Variants in RAB7A observed in about 807,000 individuals in gnomAD.
RAB7A encodes the protein RAB7A, member RAS oncogene family, also known as ras-related protein Rab-7a.
In RAB7A, 2 loss-of-function variants were observed where a neutral mutation model predicts 24.5. That is an observed-to-expected ratio of 0.08 (90% confidence interval 0.03 to 0.26). RAB7A has a LOEUF of 0.26. Ranked by LOEUF, RAB7A falls within the 10% of genes least tolerant of loss-of-function variation. The probability of loss-of-function intolerance (pLI) is 1.00; values close to 1 mark genes in which losing one functional copy is unlikely to be tolerated. For synonymous variants in RAB7A, 100 were observed against 95.9 expected, an observed-to-expected ratio of 1.04 and a Z score of -0.25; for missense variants, 118 against 255.7, an observed-to-expected ratio of 0.46 and a Z score of 3.67.
Position 128,743,586 on chromosome 3 carries a change from G to A in RAB7A, c.-9+17227G>A, listed in dbSNP as rs991739799. On this transcript the variant is annotated intron_variant, in intron 1 of 5. Transcript: ENST00000265062. ...GCCAAAGACATTAGAGCAACTGTCA[G>A]CAATATGCTCAGTGGACTAAAGGAA... 6.6e-5 allele frequency among the ~76,000 whole-genome samples: 10 copies of A among 152,268 alleles called. No individual in the cohort carries two copies. The South Asian group carries it at 1.9e-3, about 28-fold the overall frequency.
chr3:128,729,923 AC>A (rs1490526116), intron 1 of RAB7A, among the ~76,000 whole-genome samples: 1 of 152,164 alleles, frequency 6.6e-6, no homozygotes, highest in African/African-American at 2.4e-5. Flanking sequence ...TCTGAAGGCG[AC>A]TGAAACTCGA....
chr3:128,770,925 C>T (rs922339909), intron 1 of RAB7A, among the ~76,000 whole-genome samples: 1 of 151,532 alleles, frequency 6.6e-6, no homozygotes, highest in African/African-American at 2.4e-5. Context: ...CCTGAAAGCT[C>T]TGCCACTATT....
intron 1 of RAB7A, among the ~76,000 whole-genome samples, chr3:128,761,385 G>A (rs1007350984): frequency 1.3e-5 from 2 of 152,092 alleles, no homozygotes; most frequent in African/African-American, 4.8e-5. Context: ...CATCCCACTC[G>A]GAGGAAGAAG....
chr3:128,747,243 G>A (rs967793596), intron 1 of RAB7A, among the ~76,000 whole-genome samples: 1 of 151,402 alleles, frequency 6.6e-6, no homozygotes, highest in Non-Finnish European at 1.5e-5. Context: ...AGTGAGCTAT[G>A]ATCCTGCCAC....
At chr3:128,748,589 A>G (rs535472281) in intron 1 of RAB7A, 3 of 152,330 alleles carry the variant, frequency 2.0e-5, no homozygotes, top group African/African-American at 7.2e-5. Flanking sequence ...TTGTTTTCCC[A>G]ACAAGGACTC....
At chr3:128,810,675 C>T (rs1216660407) in intron 5 of RAB7A, among the ~76,000 whole-genome samples, 1 of 152,216 alleles carries the variant, frequency 6.6e-6, no homozygotes, top group South Asian at 2.1e-4. Flanking sequence ...ATCCTGCAAC[C>T]TCATTTAACC....
intron 3 of RAB7A, among the ~76,000 whole-genome samples, chr3:128,804,908 G>A (rs1933768942): frequency 6.6e-6 from 1 of 152,216 alleles, no homozygotes; most frequent in African/African-American, 2.4e-5. Flanking sequence ...GTAAAGTCCA[G>A]TGAACCTGCT....
intron 1 of RAB7A, among the ~76,000 whole-genome samples, chr3:128,734,211 C>G (rs1394687440): frequency 1.3e-5 from 2 of 152,102 alleles, no homozygotes; most frequent in Admixed American, 6.6e-5. Flanking sequence ...GGGCGGATCA[C>G]TTGAGGCCAG....
rs369866556 is a variant in RAB7A, at chr3:128,804,419, C to G, written c.181-1953C>G. 2.0e-5 allele frequency among the ~76,000 whole-genome samples: 3 copies of G among 152,222 alleles called. No homozygotes were observed. In the East Asian group the frequency reaches 5.8e-4, roughly 29 times the overall value. Reference sequence around the variant, plus strand: ...CACTATGCATAAGCTAATACACTTTCACTTTCTCTTTGCTATTGTGTCTGG... The same window carrying G: ...CACTATGCATAAGCTAATACACTTTGACTTTCTCTTTGCTATTGTGTCTGG... On this transcript the variant is annotated intron_variant, in intron 3 of 5. Transcript: ENST00000265062.
intron 1 of RAB7A, among the ~76,000 whole-genome samples, chr3:128,757,956 G>A (rs139142268): frequency 2.6e-5 from 4 of 151,944 alleles, no homozygotes; most frequent in African/African-American, 9.6e-5. Flanking sequence ...ACTGCGCCCA[G>A]CCTATTTTAT....
chr3:128,806,735 C>A, intron 4 of RAB7A, 145 bp downstream of exon 4: 1 of 877,468 alleles, frequency 1.1e-6, no homozygotes, highest in Non-Finnish European at 1.8e-6. Flanking sequence ...TTCAGGCCAA[C>A]TGCCTTTAAG....
intron 4 of RAB7A, 69 bp from the exon 5 acceptor site, chr3:128,807,474 C>T (rs1044985694): frequency 1.2e-6 from 2 of 1,609,326 alleles, no homozygotes; most frequent in African/African-American, 1.3e-5. Flanking sequence ...ATGACACTTC[C>T]TGGGGAGGAT....
At chr3:128,726,712 C>T (rs1351888491) in intron 1 of RAB7A, among the ~76,000 whole-genome samples, 8 of 152,158 alleles carry the variant, frequency 5.3e-5, no homozygotes, top group Non-Finnish European at 1.2e-4. Flanking sequence ...CTTAGCGCGG[C>T]GAGCAGGAGG....
intron 1 of RAB7A, among the ~76,000 whole-genome samples, chr3:128,740,064 C>A (rs2070535034): frequency 6.6e-6 from 1 of 150,488 alleles, no homozygotes; most frequent in Non-Finnish European, 1.5e-5. Flanking sequence ...GAAACTCCAT[C>A]TCAAAAAAAA....
intron 1 of RAB7A, among the ~76,000 whole-genome samples, chr3:128,760,504 A>T (rs2070768638): frequency 6.6e-6 from 1 of 152,172 alleles, no homozygotes; most frequent in African/African-American, 2.4e-5. Flanking sequence ...TCCTTCCCAT[A>T]TCTCTGTTTC....
intron 1 of RAB7A, among the ~76,000 whole-genome samples, chr3:128,773,561 C>G (rs1933008600): frequency 6.6e-6 from 1 of 152,224 alleles, no homozygotes; most frequent in Admixed American, 6.5e-5. Flanking sequence ...AGGAGCCCCT[C>G]TGCCCGGCCA....
intron 1 of RAB7A, among the ~76,000 whole-genome samples, chr3:128,726,994 T>G (rs532360299): frequency 1.3e-5 from 2 of 152,364 alleles, no homozygotes; most frequent in South Asian, 4.1e-4. Context: ...GAGAAGTTTT[T>G]CAACTTAATC....
intron 1 of RAB7A, among the ~76,000 whole-genome samples, chr3:128,773,409 C>A (rs1462816472): frequency 6.6e-6 from 1 of 151,708 alleles, no homozygotes; most frequent in Non-Finnish European, 1.5e-5. Flanking sequence ...GCAGCCACCC[C>A]GTCCGGGAGG....
chr3:128,731,866 C>T (rs1261719609), intron 1 of RAB7A, among the ~76,000 whole-genome samples: 2 of 151,588 alleles, frequency 1.3e-5, no homozygotes, highest in African/African-American at 4.8e-5. Context: ...ATTAGCTGGG[C>T]ATAGTGGCAT....
Sources: allele counts gnomAD v4.1 joint callset (sites outside exome capture counted in the v4.1 genomes callset), GRCh38; gene constraint gnomAD v4.1.1; transcripts MANE v1.5; gene names NCBI Gene and HGNC (gene_info 2026-07-23, HGNC 2026-07-21).